SKAP1: variants seen among roughly 807,000 people sequenced by gnomAD.
SKAP1 encodes src kinase-associated phosphoprotein 1.
Under a neutral mutation model 58.5 loss-of-function variants are expected in SKAP1, and 44 were observed. The observed-to-expected ratio is 0.75, with a 90% CI of 0.59 to 0.97. The LOEUF (loss-of-function observed/expected upper bound fraction) is 0.97. Among genes scored for constraint, SKAP1 ranks in the 50% least tolerant of loss-of-function variants. SKAP1 has a pLI of 0.00. For synonymous variants in SKAP1, 127 were observed against 149.7 expected, an observed-to-expected ratio of 0.85 and a Z score of 1.11; for missense variants, 390 against 435.2, an observed-to-expected ratio of 0.90 and a Z score of 0.92.
the SKAP1 span, among the ~76,000 whole-genome samples, chr17:48,444,972 A>C: frequency 6.6e-6 from 1 of 152,198 alleles, no homozygotes; most frequent in African/African-American, 2.4e-5. Context: ...AGCTGAGTAG[A>C]ATACCAAACG....
At chr17:48,419,376 C>T (rs1316816229) in intron 1 of SKAP1, among the ~76,000 whole-genome samples, 1 of 152,002 alleles carries the variant, frequency 6.6e-6, no homozygotes, top group Non-Finnish European at 1.5e-5. Flanking sequence ...CCTCCAACTC[C>T]CGGGTTCAAG....
intron 10 of SKAP1, among the ~76,000 whole-genome samples, chr17:48,166,815 G>A (rs906562971): frequency 1.3e-5 from 2 of 152,080 alleles, no homozygotes; most frequent in African/African-American, 2.4e-5. Flanking sequence ...TTTAAGCCAG[G>A]TCAGAAAGGT....
chr17:48,282,331 T>C (rs528850663), intron 4 of SKAP1, among the ~76,000 whole-genome samples: 2 of 151,662 alleles, frequency 1.3e-5, no homozygotes, highest in Non-Finnish European at 2.9e-5. Context: ...CTACCCAAAC[T>C]AATGCCTTAT....
chr17:48,436,673 C>G, the SKAP1 span, among the ~76,000 whole-genome samples: 1 of 152,138 alleles, frequency 6.6e-6, no homozygotes, highest in Admixed American at 6.5e-5. Flanking sequence ...CTTCCTTTCA[C>G]CCCTCTACCT....
intron 4 of SKAP1, among the ~76,000 whole-genome samples, chr17:48,251,112 T>C (rs1486630064): frequency 6.6e-6 from 1 of 152,228 alleles, no homozygotes; most frequent in Non-Finnish European, 1.5e-5. Context: ...TATGTGTGCG[T>C]TAACTGCACG....
intron 2 of SKAP1, among the ~76,000 whole-genome samples, chr17:48,388,201 C>T (rs143775157): frequency 2.4e-3 from 372 of 152,048 alleles, no homozygotes; most frequent in African/African-American, 6.3e-3. Flanking sequence ...TTTGGGATGC[C>T]GAGGCAGGCG....
chr17:48,432,428 C>CAAAAA (rs200081330), upstream of SKAP1, among the ~76,000 whole-genome samples: 2 of 149,812 alleles, frequency 1.3e-5, no homozygotes, highest in Middle Eastern at 3.4e-3. Context: ...GACTCCATCT[C>CAAAAA]AAAAAAAAGA....
intron 4 of SKAP1, among the ~76,000 whole-genome samples, chr17:48,227,733 G>A (rs2065084956): frequency 6.6e-6 from 1 of 152,212 alleles, no homozygotes; most frequent in South Asian, 2.1e-4. Context: ...TGACTGGCTA[G>A]TAGAGAGTGG....
chr17:48,350,745 C>T (rs2066788777), intron 3 of SKAP1, among the ~76,000 whole-genome samples: 1 of 152,060 alleles, frequency 6.6e-6, no homozygotes, highest in Non-Finnish European at 1.5e-5. Flanking sequence ...CAACAAAACA[C>T]TAGGGTTTGC....
At chr17:48,366,670 C>G (rs927559542) in intron 2 of SKAP1, among the ~76,000 whole-genome samples, 5 of 152,146 alleles carry the variant, frequency 3.3e-5, no homozygotes, top group African/African-American at 7.2e-5. Context: ...CCATAAAACT[C>G]CTTTCTGTAA....
chr17:48,419,943 A>G (rs2067775476), intron 1 of SKAP1, among the ~76,000 whole-genome samples: 2 of 152,176 alleles, frequency 1.3e-5, no homozygotes, highest in South Asian at 4.1e-4. Flanking sequence ...TGGTAAGACC[A>G]CTCTATTCCT....
intron 4 of SKAP1, among the ~76,000 whole-genome samples, chr17:48,265,509 C>T (rs200001092): frequency 3.1e-5 from 2 of 64,596 alleles, no homozygotes; most frequent in Admixed American, 3.0e-4. Context: ...AAAAAGCAAG[C>T]AAGCAAGCAA....
chr17:48,222,451 TA>T (rs2065016564), intron 4 of SKAP1, among the ~76,000 whole-genome samples: 1 of 152,122 alleles, frequency 6.6e-6, no homozygotes, highest in Admixed American at 6.5e-5. Flanking sequence ...TGTACATAGC[TA>T]AAATAGGAGA....
At chr17:48,382,016 T>C (rs2067220122) in intron 2 of SKAP1, among the ~76,000 whole-genome samples, 1 of 152,190 alleles carries the variant, frequency 6.6e-6, no homozygotes, top group Non-Finnish European at 1.5e-5. Flanking sequence ...CTAATAGCTA[T>C]GTAACCTTGA....
the SKAP1 span, among the ~76,000 whole-genome samples, chr17:48,440,280 G>A: frequency 3.3e-5 from 5 of 152,128 alleles, no homozygotes; most frequent in African/African-American, 7.2e-5. Context: ...GGCTTCATAC[G>A]TTGACAGACA....
At chr17:48,251,218 A>G (rs956865103) in intron 4 of SKAP1, among the ~76,000 whole-genome samples, 4 of 152,226 alleles carry the variant, frequency 2.6e-5, no homozygotes, top group African/African-American at 9.6e-5. Context: ...CGGAATCTTC[A>G]CAGCTTTATT....
chr17:48,231,819 A>G (rs1319490685), intron 4 of SKAP1: 1 of 152,202 alleles, frequency 6.6e-6, no homozygotes, highest in Non-Finnish European at 1.5e-5. Flanking sequence ...GTGTTAATAG[A>G]TTCTTACACT....
At chr17:48,202,834 G>C (rs2064746195) in intron 4 of SKAP1, among the ~76,000 whole-genome samples, 1 of 152,174 alleles carries the variant, frequency 6.6e-6, no homozygotes, top group Non-Finnish European at 1.5e-5. Context: ...AGTTACTATA[G>C]AGACCTATAT....
intron 4 of SKAP1, among the ~76,000 whole-genome samples, chr17:48,311,712 C>G (rs924166688): frequency 1.3e-5 from 2 of 152,166 alleles, no homozygotes; most frequent in Admixed American, 6.5e-5. Flanking sequence ...AGGCACCTGC[C>G]TCCTAGGATC....
Sources: allele counts gnomAD v4.1 joint callset (sites outside exome capture counted in the v4.1 genomes callset), GRCh38; gene constraint gnomAD v4.1.1; transcripts MANE v1.5; gene names NCBI Gene and HGNC (gene_info 2026-07-23, HGNC 2026-07-21).